MAP4K5: variants seen among roughly 807,000 people sequenced by gnomAD.
The protein encoded by MAP4K5 is MAPK/ERK kinase kinase kinase 5.
MAP4K5 carries 82 observed loss-of-function variants against 135.6 expected under a neutral mutation model. That is an observed-to-expected ratio of 0.60 (90% CI 0.51 to 0.73). The LOEUF is 0.73. MAP4K5 is among the 30% of genes least tolerant of loss of function. MAP4K5 has a pLI of 0.00. For synonymous variants in MAP4K5, 347 were observed against 335.0 expected, an observed-to-expected ratio of 1.04 and a Z score of -0.39; for missense variants, 907 against 1,010.9, an observed-to-expected ratio of 0.90 and a Z score of 1.39.
intron 12 of MAP4K5, 108 bp downstream of exon 12, chr14:50,463,944 C>A: frequency 2.5e-6 from 1 of 393,618 alleles, no homozygotes; most frequent in Non-Finnish European, 4.5e-6. Context: ...CTGACCCCTG[C>A]TGTAAGAGAT....
chr14:50,431,215 T>A (rs555265027), intron 28 of MAP4K5, among the ~76,000 whole-genome samples: 1 of 152,304 alleles, frequency 6.6e-6, no homozygotes, highest in South Asian at 2.1e-4. Flanking sequence ...TTTTAAGTAC[T>A]TTGCTTATTT....
chr14:50,483,837 CATTT>C (rs72048369), intron 5 of MAP4K5, among the ~76,000 whole-genome samples: 71,669 of 144,022 alleles, frequency 0.5, 18,060 homozygotes, highest in East Asian at 0.73. Context: ...ACAGCAATTC[CATTT>C]ATTTATTTAT....
At chr14:50,524,011 T>C (rs1317421702) in intron 2 of MAP4K5, among the ~76,000 whole-genome samples, 3 of 152,224 alleles carry the variant, frequency 2.0e-5, no homozygotes, top group Non-Finnish European at 4.4e-5. Context: ...TCCCCTACTC[T>C]AGTCCCTAAA....
At chr14:50,454,051 G>A (rs1413385637) in intron 14 of MAP4K5, among the ~76,000 whole-genome samples, 1 of 152,156 alleles carries the variant, frequency 6.6e-6, no homozygotes, top group Non-Finnish European at 1.5e-5. Flanking sequence ...ACAGAAGAAT[G>A]GATAAATTGT....
intron 1 of MAP4K5, among the ~76,000 whole-genome samples, chr14:50,555,201 A>T (rs1232154734): frequency 2.0e-5 from 3 of 152,224 alleles, no homozygotes; most frequent in African/African-American, 7.2e-5. Flanking sequence ...CCATCATGGA[A>T]CATATGATAG....
chr14:50,432,182 C>G (rs1231193436), intron 28 of MAP4K5, among the ~76,000 whole-genome samples: 5 of 152,114 alleles, frequency 3.3e-5, no homozygotes, highest in Admixed American at 3.3e-4. Flanking sequence ...TCAGACTGAG[C>G]CTAAAAGAGT....
intron 1 of MAP4K5, among the ~76,000 whole-genome samples, chr14:50,556,279 A>C (rs2038764511): frequency 6.6e-6 from 1 of 152,074 alleles, no homozygotes; most frequent in African/African-American, 2.4e-5. Flanking sequence ...ATCCAGGCTG[A>C]AGTGCAGCGG....
At chr14:50,485,767 A>G (rs1357876620) in intron 4 of MAP4K5, 125 bp from the exon 5 acceptor site, 2 of 619,256 alleles carry the variant, frequency 3.2e-6, no homozygotes, top group Non-Finnish European at 2.8e-6. Context: ...GGAAACTGCT[A>G]TGTAATCTTG....
At chr14:50,447,999 T>C (rs767822752) in intron 15 of MAP4K5, among the ~76,000 whole-genome samples, 1 of 146,286 alleles carries the variant, frequency 6.8e-6, no homozygotes, top group South Asian at 2.2e-4. Flanking sequence ...TCATTACTTT[T>C]TTCTTTTTAT....
chr14:50,498,987 T>C (rs1183494697), intron 3 of MAP4K5, among the ~76,000 whole-genome samples: 4 of 152,200 alleles, frequency 2.6e-5, no homozygotes, highest in Admixed American at 1.3e-4. Flanking sequence ...GAACTGAATG[T>C]TGGGAAAATT....
Position 50,419,806 on chromosome 14 carries a change from G to T in MAP4K5, c.*213C>A, listed in dbSNP as rs1316749568. On this transcript the variant is annotated 3_prime_UTR_variant, in exon 33 of 33. Coordinates refer to ENST00000682126, the MANE Select transcript of MAP4K5 (RefSeq NM_006575.6). ...CTATTTGTCTCATAGCTTTTATTAA[G>T]CAAACTTGATATAACCACCACACAG... is the stretch of plus-strand genomic sequence containing the variant. The T allele has an allele frequency of 8.5e-5, 38 of 447,290 alleles. No individual in the cohort carries two copies. In the East Asian group the frequency reaches 1.2e-3, roughly 14 times the overall value. 27.7% of individuals were successfully genotyped at this position (447,290 alleles called of 1,614,324 possible). A position where few individuals can be genotyped will look rare whatever the true frequency, so the allele number is the denominator to read the frequency against.
chr14:50,446,981 C>T (rs968983856), intron 16 of MAP4K5, among the ~76,000 whole-genome samples: 3 of 152,002 alleles, frequency 2.0e-5, no homozygotes, highest in Admixed American at 2.0e-4. Flanking sequence ...TTTGTTAACT[C>T]CAAATGTATA....
rs371399947 is a variant in MAP4K5, at chr14:50,479,005, G to GT, written c.379-2700dup. Among the ~76,000 whole-genome samples, 1,368 of 151,226 alleles carry GT rather than the reference G, an allele frequency of 9.0e-3. 21 individuals are homozygous for GT. The highest frequency in any genetic ancestry group is 0.031 in the African/African-American group (1,279 of 40,882). ...CATGTGTCTTAGTGTAGTTTTTTTC[G>GT]TTTTTTTTTTTTTTGTTGTTGTTGT... On this transcript the variant is annotated intron_variant, in intron 6 of 32. Transcript: ENST00000682126.
At position 50,424,220 on chromosome 14, in the gene MAP4K5, T is replaced by C. The variant is rs143407621; in HGVS notation, c.2398-1044A>G. ...GGAGTTTGCAGTCTACCTGGGAAAA[T>C]AGAATTAATAAGCTTGAATCAGAAA... On this transcript the variant is annotated intron_variant, in intron 31 of 32. Coordinates refer to ENST00000682126, the MANE Select transcript of MAP4K5 (RefSeq NM_006575.6). Among the ~76,000 whole-genome samples, 275 of 148,772 alleles carry C rather than the reference T, an allele frequency of 1.8e-3. 4 individuals are homozygous for C. Among genetic ancestry groups the C allele is most frequent in the African/African-American group, 5.5e-3 (222 of 40,442 alleles).
chr14:50,492,773 T>C (rs969495888), intron 3 of MAP4K5, among the ~76,000 whole-genome samples: 1 of 152,136 alleles, frequency 6.6e-6, no homozygotes, highest in Non-Finnish European at 1.5e-5. Context: ...GTATCAATAA[T>C]GGAAACTACC....
chr14:50,480,199 T>C (rs1040777753), intron 6 of MAP4K5, among the ~76,000 whole-genome samples: 3 of 152,052 alleles, frequency 2.0e-5, no homozygotes, highest in African/African-American at 7.2e-5. Context: ...ATAGTAGGTA[T>C]ATATTTATGG....
At chr14:50,532,361 G>C (rs2038416325) in intron 1 of MAP4K5, 87 bp downstream of exon 1, 2 of 296,436 alleles carry the variant, frequency 6.7e-6, no homozygotes, top group South Asian at 1.2e-4. Flanking sequence ...TGCCCGACGA[G>C]GCCTCCCCGC....
intron 3 of MAP4K5, among the ~76,000 whole-genome samples, chr14:50,490,537 G>A (rs534665040): frequency 1.3e-5 from 2 of 152,288 alleles, no homozygotes; most frequent in Admixed American, 1.3e-4. Flanking sequence ...GACATTAAGA[G>A]ACAGATTTGC....
upstream of MAP4K5, chr14:50,532,821 C>T (rs1257760494): frequency 6.6e-6 from 1 of 152,434 alleles, no homozygotes; most frequent in Non-Finnish European, 1.5e-5. Flanking sequence ...AGGCACACGC[C>T]TGGGCATTCG....
Sources: allele counts gnomAD v4.1 joint callset (sites outside exome capture counted in the v4.1 genomes callset), GRCh38; gene constraint gnomAD v4.1.1; transcripts MANE v1.5; gene names NCBI Gene and HGNC (gene_info 2026-07-23, HGNC 2026-07-21).